The following MTMR14 variants were observed in gnomAD, a reference collection of about 807,000 sequenced individuals.
The protein encoded by MTMR14 is phosphatidylinositol-3,5-bisphosphate 3-phosphatase MTMR14.
Under a neutral mutation model 86.3 loss-of-function variants are expected in MTMR14, and 48 were observed. That is an observed-to-expected ratio of 0.56 (90% confidence interval 0.44 to 0.71). MTMR14 has a LOEUF of 0.71. MTMR14 is among the 30% of genes least tolerant of loss of function. MTMR14 has a pLI of 0.00. For synonymous variants in MTMR14, 366 were observed against 326.1 expected, an observed-to-expected ratio of 1.12 and a Z score of -1.32; for missense variants, 780 against 834.6, an observed-to-expected ratio of 0.93 and a Z score of 0.81.
intron 3 of MTMR14, among the ~76,000 whole-genome samples, chr3:9,663,695 A>G (rs1369023379): frequency 2.0e-5 from 3 of 148,822 alleles, no homozygotes; most frequent in Non-Finnish European, 4.5e-5. Context: ...TTGCATTTTC[A>G]GTAGAGACGG....
At chr3:9,651,986 C>A (rs1028745511) in intron 1 of MTMR14, among the ~76,000 whole-genome samples, 71 of 152,312 alleles carry the variant, frequency 4.7e-4, no homozygotes, top group Non-Finnish European at 7.5e-4. Flanking sequence ...CGCCCGCCAC[C>A]ATGCCCAGCT....
intron 17 of MTMR14, 32 bp downstream of exon 17, chr3:9,690,175 G>T (rs772674519): frequency 1.6e-5 from 26 of 1,611,218 alleles, no homozygotes; most frequent in Middle Eastern, 3.7e-4. Context: ...GCTGTTGGAA[G>T]TGCCTAGCTT....
chr3:9,668,833 C>T, intron 4 of MTMR14, 39 bp downstream of exon 4: 1 of 1,604,046 alleles, frequency 6.2e-7, no homozygotes, highest in Non-Finnish European at 8.5e-7. Context: ...AGAATGAGAA[C>T]CCAGTCATAG....
At chr3:9,683,910 C>T (rs1268231080) in intron 10 of MTMR14, among the ~76,000 whole-genome samples, 1 of 152,220 alleles carries the variant, frequency 6.6e-6, no homozygotes, top group East Asian at 1.9e-4. Context: ...TCTTAGCTCC[C>T]CCAGGGGAGA....
At chr3:9,662,425 C>T in intron 3 of MTMR14, 50 bp downstream of exon 3, 1 of 1,471,924 alleles carries the variant, frequency 6.8e-7, no homozygotes, top group East Asian at 2.3e-5. Flanking sequence ...TCTGGGGTAG[C>T]TGACTTACTG....
chr3:9,652,789 A>G (rs906483782), intron 1 of MTMR14, among the ~76,000 whole-genome samples: 16 of 152,164 alleles, frequency 1.1e-4, no homozygotes, highest in African/African-American at 3.4e-4. Context: ...CAGGAGTTCA[A>G]GACCAGCCTG....
At chr3:9,679,296 G>A (rs948946190) in intron 9 of MTMR14, among the ~76,000 whole-genome samples, 2 of 152,210 alleles carry the variant, frequency 1.3e-5, no homozygotes, top group African/African-American at 4.8e-5. Context: ...GAAGGAACAG[G>A]TTTGGGGTAC....
intron 10 of MTMR14, 64 bp downstream of exon 10, chr3:9,683,308 G>A (rs1208768397): frequency 1.5e-5 from 22 of 1,465,624 alleles, no homozygotes; most frequent in Non-Finnish European, 2.1e-5. Flanking sequence ...AGTTCATTCT[G>A]CCTCAACTGT....
At chr3:9,679,069 A>G (rs1466950432) in intron 9 of MTMR14, among the ~76,000 whole-genome samples, 3 of 152,186 alleles carry the variant, frequency 2.0e-5, no homozygotes, top group African/African-American at 4.8e-5. Context: ...GTGCTCCTAG[A>G]TCACCAATGT....
At chr3:9,650,305 C>T (rs535747368) in intron 1 of MTMR14, 1 of 456,422 alleles carries the variant, frequency 2.2e-6, no homozygotes, top group Admixed American at 2.4e-5. Context: ...CCTCTTTTTG[C>T]TCCCTTTGGG....
At chr3:9,652,066 G>A (rs1385089120) in intron 1 of MTMR14, among the ~76,000 whole-genome samples, 2 of 152,036 alleles carry the variant, frequency 1.3e-5, no homozygotes, top group Non-Finnish European at 2.9e-5. Flanking sequence ...TCTTGAACTC[G>A]TGATCTGCCC....
intron 14 of MTMR14, among the ~76,000 whole-genome samples, chr3:9,688,223 C>T (rs988737215): frequency 6.6e-5 from 10 of 152,144 alleles, no homozygotes; most frequent in African/African-American, 1.9e-4. Flanking sequence ...CTCTTAACTC[C>T]CAGTGTGCCC....
At position 9,685,297 on chromosome 3, in the gene MTMR14, G is replaced by A. The variant is rs192047848; in HGVS notation, c.1164+50G>A. ...GGGCACAGCTCAGCACTGAAAGAGG[G>A]GCAGTGGGTAGCCTGTCTGAGTTCC... On this transcript the variant is annotated intron_variant, in intron 13 of 18. Transcript: ENST00000296003. The A allele has an allele frequency of 2.1e-4, 331 of 1,608,952 alleles. No individual in the cohort carries two copies. The African/African-American group carries it at 4.1e-3, about 20-fold the overall frequency.
intron 9 of MTMR14, among the ~76,000 whole-genome samples, chr3:9,681,796 G>A (rs1266580682): frequency 6.6e-6 from 1 of 152,198 alleles, no homozygotes; most frequent in Non-Finnish European, 1.5e-5. Context: ...GATTAAGAAT[G>A]TGGACTTTGG....
Position 9,689,923 on chromosome 3 carries a change from G to A in MTMR14, c.1434-41G>A, listed in dbSNP as rs545042258. ...TGAGGGTGGGCAGAGGGCTTTGCCTGCAGTGGCCCCCGGCTCACAGCCCTG... is the reference window on the plus strand; with the variant it reads ...TGAGGGTGGGCAGAGGGCTTTGCCTACAGTGGCCCCCGGCTCACAGCCCTG... On this transcript the variant is annotated intron_variant, in intron 16 of 18. Coordinates refer to ENST00000296003, the MANE Select transcript of MTMR14 (RefSeq NM_001077525.3). The A allele has an allele frequency of 1.5e-5, 23 of 1,581,030 alleles. No individual in the cohort carries two copies. In the African/African-American group the frequency reaches 1.9e-4, roughly 13 times the overall value.
chr3:9,690,160 C>T lies in MTMR14; in HGVS notation c.1613+17C>T. ...CAAACCCAGGTGAGGAGCTCCAAAG[C>T]CCTTGCTGTTGGAAGTGCCTAGCTT... On this transcript the variant is annotated intron_variant, in intron 17 of 18. Coordinates refer to ENST00000296003, the MANE Select transcript of MTMR14 (RefSeq NM_001077525.3). The T allele has an allele frequency of 6.2e-7, 1 of 1,613,142 alleles. No individual in the cohort carries two copies. The highest frequency in any genetic ancestry group is 1.7e-5 in the Admixed American group (1 of 60,000).
At chr3:9,698,317 T>G (rs1272402144) in intron 18 of MTMR14, among the ~76,000 whole-genome samples, 3 of 152,250 alleles carry the variant, frequency 2.0e-5, no homozygotes, top group Non-Finnish European at 4.4e-5. Flanking sequence ...CCTTGTCTTC[T>G]GTTTTTGCCT....
At chr3:9,654,202 C>T (rs2047468587) in intron 2 of MTMR14, among the ~76,000 whole-genome samples, 1 of 152,182 alleles carries the variant, frequency 6.6e-6, no homozygotes, top group African/African-American at 2.4e-5. Context: ...TCCCCTGTTG[C>T]TGGCTGTGTA....
intron 18 of MTMR14, among the ~76,000 whole-genome samples, chr3:9,698,832 C>T (rs2076362559): frequency 6.6e-6 from 1 of 152,016 alleles, no homozygotes; most frequent in Admixed American, 6.5e-5. Flanking sequence ...CAGCCAGCCC[C>T]TAGGCTAGAA....
Sources: gnomAD v4.1 joint callset for allele counts (sites outside exome capture counted in the v4.1 genomes callset) on GRCh38, gnomAD v4.1.1 for gene constraint, MANE v1.5 for transcripts, NCBI Gene and HGNC (gene_info 2026-07-23, HGNC 2026-07-21) for gene names.